DNAH6: variants seen among roughly 807,000 people sequenced by gnomAD.
DNAH6 encodes the protein axonemal beta dynein heavy chain 6.
In DNAH6, 340 loss-of-function variants were observed where a neutral mutation model predicts 491.4. That is an observed-to-expected ratio of 0.69 (90% CI 0.63 to 0.76). The LOEUF is 0.76. Ranked by LOEUF, DNAH6 falls within the 30% of genes least tolerant of loss-of-function variation. The pLI, the probability that DNAH6 is intolerant of heterozygous loss-of-function variation, is 0.00. For synonymous variants in DNAH6, 1,603 were observed against 1,686.1 expected (o/e 0.95, Z 1.21); for missense variants, 4,443 against 4,972.2 (o/e 0.89, Z 3.20).
the DNAH6 span, among the ~76,000 whole-genome samples, chr2:84,498,182 A>G: frequency 6.6e-6 from 1 of 152,246 alleles, no homozygotes; most frequent in Non-Finnish European, 1.5e-5. Flanking sequence ...TACAGCTGGG[A>G]TATTTTCCCA....
chr2:84,525,429 T>G, intron 2 of DNAH6, 136 bp from the exon 3 acceptor site: 5 of 825,762 alleles, frequency 6.1e-6, no homozygotes, highest in Admixed American at 3.1e-5. Context: ...AGTTAACTAT[T>G]AGGACTGCAT....
intron 71 of DNAH6, among the ~76,000 whole-genome samples, chr2:84,808,087 C>T (rs750020415): frequency 6.7e-6 from 1 of 148,964 alleles, no homozygotes; most frequent in Non-Finnish European, 1.5e-5. Flanking sequence ...AGGGAAGAAA[C>T]AAAATGCAAT....
intron 37 of DNAH6, among the ~76,000 whole-genome samples, chr2:84,662,550 G>T (rs1265384503): frequency 6.6e-6 from 1 of 152,210 alleles, no homozygotes; most frequent in Non-Finnish European, 1.5e-5. Context: ...CAGCAAGGCT[G>T]GGGGAGGGGT....
At chr2:84,565,848 T>C (rs1435670377) in intron 11 of DNAH6, among the ~76,000 whole-genome samples, 2 of 151,996 alleles carry the variant, frequency 1.3e-5, no homozygotes, top group Non-Finnish European at 2.9e-5. Context: ...TTATGTAATG[T>C]CCTTCTTTTT....
chr2:84,717,621 G>A (rs1049631648), intron 58 of DNAH6, among the ~76,000 whole-genome samples: 1 of 152,172 alleles, frequency 6.6e-6, no homozygotes, highest in Non-Finnish European at 1.5e-5. Flanking sequence ...TCTTAGCAGG[G>A]TGCATTGCAT....
At chr2:84,487,812 A>C in the DNAH6 span, among the ~76,000 whole-genome samples, 1 of 152,202 alleles carries the variant, frequency 6.6e-6, no homozygotes, top group Admixed American at 6.5e-5. Flanking sequence ...TGAGGTCAGC[A>C]CTTAAAACCT....
chr2:84,753,547 C>T (rs1673670517), intron 63 of DNAH6, among the ~76,000 whole-genome samples: 1 of 151,772 alleles, frequency 6.6e-6, no homozygotes, highest in Admixed American at 6.6e-5. Context: ...CACCTGAGGT[C>T]GGGAGTTCGA....
intron 10 of DNAH6, among the ~76,000 whole-genome samples, chr2:84,556,249 AC>A (rs1680009545): frequency 6.6e-6 from 1 of 152,138 alleles, no homozygotes; most frequent in Non-Finnish European, 1.5e-5. Flanking sequence ...GGAAGTTGGG[AC>A]CCTTTATCCT....
At chr2:84,783,607 C>G (rs1559036706) in intron 65 of DNAH6, among the ~76,000 whole-genome samples, 1 of 152,154 alleles carries the variant, frequency 6.6e-6, no homozygotes, top group Non-Finnish European at 1.5e-5. Context: ...ATTACCAAAC[C>G]AAGAAGCATG....
rs1241622692 is a variant in DNAH6 at position 84,813,093 on chromosome 2, G to A, written c.11961G>A (p.Trp3987Ter). 1 of 1,551,876 alleles carries A rather than the reference G, an allele frequency of 6.4e-7. No individual in the cohort carries two copies. The highest frequency in any genetic ancestry group is 8.7e-7 in the Non-Finnish European group (1 of 1,147,026). Residue 3987 changes from tryptophan (W) to a stop codon, truncating the protein, a stop_gained, in exon 74 of 77, where the codon TGG becomes TGA. Coordinates refer to ENST00000389394, the MANE Select transcript of DNAH6 (RefSeq NM_001370.2). LOFTEE classifies it high-confidence loss of function. Reference sequence around the variant, plus strand: ...AAAGAGGACAGCCTAAGTCCTACTGGATCTCTGGTTTCTTCTTTCCTCAAG... The same window carrying A: ...AAAGAGGACAGCCTAAGTCCTACTGAATCTCTGGTTTCTTCTTTCCTCAAG... Reference protein sequence around the residue: ...WLKRGQPKSYWISGFFFPQGF... With the variant: ...WLKRGQPKSY
chr2:84,495,954 G>A, the DNAH6 span, among the ~76,000 whole-genome samples: 1 of 152,164 alleles, frequency 6.6e-6, no homozygotes, highest in African/African-American at 2.4e-5. Flanking sequence ...CACAGACCCT[G>A]AAATTACACT....
At position 84,632,984 on chromosome 2, in the gene DNAH6, T is replaced by C. The variant is rs760494539; in HGVS notation, c.4516-1520T>C. Among the ~76,000 whole-genome samples, 22 of 152,162 alleles carry C rather than the reference T, an allele frequency of 1.4e-4. 1 individual carries two copies. The highest frequency in any genetic ancestry group is 1.0e-3 in the South Asian group (5 of 4,834). On this transcript the variant is annotated intron_variant, in intron 29 of 76. Transcript: ENST00000389394. The stretch of plus-strand genomic sequence containing the variant: ...AGTATAGATGAAGGACTAATTTAAT[T>C]AGTGTAAACAGCTTGTTTCCCCCAA...
intron 68 of DNAH6, among the ~76,000 whole-genome samples, chr2:84,787,732 T>C (rs1677345101): frequency 6.6e-6 from 1 of 152,200 alleles, no homozygotes; most frequent in South Asian, 2.1e-4. Context: ...GAGTCCATGA[T>C]CTTAAATTCA....
At chr2:84,750,017 T>C (rs1673312114) in intron 63 of DNAH6, among the ~76,000 whole-genome samples, 1 of 152,126 alleles carries the variant, frequency 6.6e-6, no homozygotes. Context: ...CATAATTACA[T>C]ACTATTAAAT....
intron 32 of DNAH6, 56 bp from the exon 33 acceptor site, chr2:84,641,891 A>C: frequency 7.0e-7 from 1 of 1,425,148 alleles, no homozygotes; most frequent in Non-Finnish European, 9.6e-7. Context: ...GGTTTAGAAA[A>C]TCATGTTCAA....
intron 37 of DNAH6, among the ~76,000 whole-genome samples, chr2:84,659,387 A>G (rs532074910): frequency 8.5e-5 from 13 of 152,304 alleles, no homozygotes; most frequent in East Asian, 3.9e-4. Flanking sequence ...ATGTATAAGT[A>G]TATAAAAACT....
intron 65 of DNAH6, among the ~76,000 whole-genome samples, chr2:84,782,728 C>A (rs558604798): frequency 6.6e-6 from 1 of 152,264 alleles, no homozygotes; most frequent in East Asian, 1.9e-4. Context: ...TGGCTTATTT[C>A]TACTTAAATA....
chr2:84,571,255 A>C (rs1009868554), intron 11 of DNAH6, among the ~76,000 whole-genome samples: 2 of 152,224 alleles, frequency 1.3e-5, no homozygotes. Flanking sequence ...ATCACCAAGA[A>C]TCTCTGATGT....
intron 2 of DNAH6, among the ~76,000 whole-genome samples, chr2:84,519,139 T>A (rs1195652972): frequency 6.6e-6 from 1 of 152,044 alleles, no homozygotes; most frequent in Non-Finnish European, 1.5e-5. Flanking sequence ...CTGAGGAGAT[T>A]TTATCTGAAC....
Sources: allele counts gnomAD v4.1 joint callset (sites outside exome capture counted in the v4.1 genomes callset), GRCh38; gene constraint gnomAD v4.1.1; transcripts MANE v1.5; gene names NCBI Gene and HGNC (gene_info 2026-07-23, HGNC 2026-07-21).